The following ACADSB variants were observed in gnomAD, a reference collection of about 807,000 sequenced individuals.
ACADSB encodes acyl-CoA dehydrogenase short/branched chain, also known as short/branched chain specific acyl-CoA dehydrogenase, mitochondrial.
Under a neutral mutation model 54.1 loss-of-function variants are expected in ACADSB, and 40 were observed. The observed-to-expected ratio is 0.74, with a 90% confidence interval of 0.57 to 0.96. The LOEUF is 0.96. Among genes scored for constraint, ACADSB ranks in the 40% least tolerant of loss-of-function variants. The pLI is 0.00. For synonymous variants in ACADSB, 182 were observed against 182.8 expected (o/e 1.00, Z 0.03); for missense variants, 530 against 510.4 (o/e 1.04, Z -0.37).
At chr10:123,012,685 T>C (rs1850052545) in intron 1 of ACADSB, among the ~76,000 whole-genome samples, 1 of 152,162 alleles carries the variant, frequency 6.6e-6, no homozygotes, top group African/African-American at 2.4e-5. Flanking sequence ...CCCGGTGGGC[T>C]TGTGGCCTCG....
intron 1 of ACADSB, among the ~76,000 whole-genome samples, chr10:123,011,409 C>G (rs550543598): frequency 6.6e-6 from 1 of 152,314 alleles, no homozygotes; most frequent in East Asian, 1.9e-4. Context: ...AAGGTCTCTC[C>G]TAGTCCTGCA....
rs1589747908 is a variant in ACADSB at position 123,056,054 on chromosome 10, A to G, written c.*2289A>G. ...TATCTAGGAAGTTCCAAACTTTCCC[A>G]CATTTTCCTGTCTTCTTCTGAGCCC... On this transcript the variant is annotated 3_prime_UTR_variant, in exon 11 of 11. Transcript: ENST00000358776. 6.5e-6 allele frequency: 1 copy of G among 152,768 alleles called. No homozygotes were observed. 9.5% of individuals were successfully genotyped at this position (152,768 alleles called of 1,614,324 possible). A position where few individuals can be genotyped will look rare whatever the true frequency, so the allele number is the denominator to read the frequency against.
chr10:123,022,166 G>A (rs1850192610), intron 1 of ACADSB, among the ~76,000 whole-genome samples: 1 of 152,132 alleles, frequency 6.6e-6, no homozygotes, highest in African/African-American at 2.4e-5. Flanking sequence ...CCCAACTCTA[G>A]CCATGCCAAG....
At position 123,054,692 on chromosome 10, in the gene ACADSB, A is replaced by G. The variant is rs1209166045; in HGVS notation, c.*927A>G. 6.6e-6 allele frequency: 1 copy of G among 152,244 alleles called. No homozygotes were observed. Among genetic ancestry groups the G allele is most frequent in the Non-Finnish European group, 1.5e-5 (1 of 68,036 alleles). The allele number at this position is 152,244 out of a possible 1,614,324, so 9.4% of individuals were successfully genotyped here. A position where few individuals can be genotyped will look rare whatever the true frequency, so the allele number is the denominator to read the frequency against. ...ATTTGTTACTATAATTAACCTGTAT[A>G]AAAGATACATTTTATGGTGGTTTCA... is the stretch of plus-strand genomic sequence containing the variant. On this transcript the variant is annotated 3_prime_UTR_variant, in exon 11 of 11. Transcript: ENST00000358776.
At chr10:123,044,167 T>C (rs141006195) in intron 6 of ACADSB, among the ~76,000 whole-genome samples, 2 of 152,348 alleles carry the variant, frequency 1.3e-5, no homozygotes, top group Non-Finnish European at 2.9e-5. Flanking sequence ...ACTCATCCAT[T>C]CAATACCTGT....
chr10:123,047,289 T>A lies in ACADSB; in HGVS notation c.981T>A (p.Phe327Leu). The A allele has an allele frequency of 6.4e-7, 1 of 1,574,242 alleles. No homozygotes were observed. Among genetic ancestry groups the A allele is most frequent in the Non-Finnish European group, 8.7e-7 (1 of 1,143,650 alleles). The change falls in exon 8 of 11, where the codon TTT becomes TTA. Residue 327 changes from phenylalanine to leucine, a missense_variant. Phe to Leu is a conservative substitution (Grantham distance 22). Coordinates refer to ENST00000358776, the MANE Select transcript of ACADSB (RefSeq NM_001609.4). ...KERIQFGKRL[F>L]DFQGLQHQVA... ...GGATACAATTTGGCAAAAGACTATT[T>A]GATTTTCAGGTATGTAATTATTAGG...
chr10:123,053,787 T>A lies in ACADSB; in HGVS notation c.*22T>A, dbSNP rs757966679. The A allele has an allele frequency of 3.7e-6, 6 of 1,600,538 alleles. No individual in the cohort carries two copies. In the East Asian group the frequency reaches 6.7e-5, roughly 18 times the overall value. ...CTGACGTCTATAGGAGTGGGACCCC[T>A]CCCTGGTGTCACTGCTGTAAAATTT... On this transcript the variant is annotated 3_prime_UTR_variant, in exon 11 of 11. Coordinates refer to ENST00000358776, the MANE Select transcript of ACADSB (RefSeq NM_001609.4).
rs1331183073 is a variant in ACADSB at position 123,054,712 on chromosome 10, G to A, written c.*947G>A. On this transcript the variant is annotated 3_prime_UTR_variant, in exon 11 of 11. Transcript: ENST00000358776. ...TGTATAAAAGATACATTTTATGGTG[G>A]TTTCAGTAGGTCATTTTAAAAACCA... 1 of 152,152 alleles carries A rather than the reference G, an allele frequency of 6.6e-6. No individual in the cohort carries two copies. Among genetic ancestry groups the A allele is most frequent in the African/African-American group, 2.4e-5 (1 of 41,428 alleles). The allele number at this position is 152,152 out of a possible 1,614,324, so 9.4% of individuals were successfully genotyped here.
intron 1 of ACADSB, among the ~76,000 whole-genome samples, chr10:123,016,861 C>A (rs753250595): frequency 6.6e-6 from 1 of 152,044 alleles, no homozygotes; most frequent in Non-Finnish European, 1.5e-5. Context: ...ATAAAAAAAA[C>A]AAACCTGTGA....
intron 1 of ACADSB, among the ~76,000 whole-genome samples, chr10:123,011,874 C>A (rs1346064599): frequency 1.3e-5 from 2 of 148,736 alleles, no homozygotes; most frequent in Non-Finnish European, 3.0e-5. Context: ...TTTTTTTAGA[C>A]AAGTTTTCAC....
intron 5 of ACADSB, among the ~76,000 whole-genome samples, chr10:123,042,643 T>C (rs1020804157): frequency 6.6e-6 from 1 of 151,872 alleles, no homozygotes; most frequent in African/African-American, 2.4e-5. Context: ...AGACGTTTTT[T>C]CACCATGTTG....
At position 123,034,813 on chromosome 10, in the gene ACADSB, C is replaced by T. The variant is rs57213927; in HGVS notation, c.202+298C>T. 0.019 allele frequency among the ~76,000 whole-genome samples: 2,836 copies of T among 152,330 alleles called. 90 individuals carry two copies. The highest frequency in any genetic ancestry group is 0.064 in the African/African-American group (2,676 of 41,580). On this transcript the variant is annotated intron_variant, in intron 2 of 10. Coordinates refer to ENST00000358776, the MANE Select transcript of ACADSB (RefSeq NM_001609.4). ...GGCTATGTAGTTAAAAGTGAAGACTCTCCCACCCATGTTCTCTAGTTCCCC... is the reference window on the plus strand; with the variant it reads ...GGCTATGTAGTTAAAAGTGAAGACTTTCCCACCCATGTTCTCTAGTTCCCC...
chr10:123,051,797 C>T (rs1850637054), intron 9 of ACADSB, among the ~76,000 whole-genome samples: 3 of 152,142 alleles, frequency 2.0e-5, no homozygotes, highest in South Asian at 2.1e-4. Context: ...ACCTCTCCAG[C>T]CCATAAATTA....
At chr10:123,036,094 CT>C (rs201289981) in intron 2 of ACADSB, among the ~76,000 whole-genome samples, 10 of 149,296 alleles carry the variant, frequency 6.7e-5, no homozygotes, top group African/African-American at 7.3e-5. Flanking sequence ...TCTTTTCTTT[CT>C]TTTTTTTTTG....
At position 123,051,690 on chromosome 10, in the gene ACADSB, A is replaced by G. The variant is rs560847370; in HGVS notation, c.1128+504A>G. Among the ~76,000 whole-genome samples the G allele has an allele frequency of 2.0e-5, 3 of 152,362 alleles. No homozygotes were observed. The South Asian group carries it at 6.2e-4, about 32-fold the overall frequency. On this transcript the variant is annotated intron_variant, in intron 9 of 10. Transcript: ENST00000358776. ...TACATTTGCTTTCTAGAGCTAACACATTAGACTGAGGCTAGAGAATTTAGC... is the reference window on the plus strand; with the variant it reads ...TACATTTGCTTTCTAGAGCTAACACGTTAGACTGAGGCTAGAGAATTTAGC...
chr10:123,009,131 C>A, intron 1 of ACADSB, 60 bp downstream of exon 1: 1 of 1,517,930 alleles, frequency 6.6e-7, no homozygotes, highest in Admixed American at 2.0e-5. Context: ...CCTGGAATCG[C>A]AGCTGGCAGA....
intron 6 of ACADSB, among the ~76,000 whole-genome samples, chr10:123,043,392 G>C (rs1177842054): frequency 6.6e-6 from 1 of 152,250 alleles, no homozygotes; most frequent in Admixed American, 6.5e-5. Context: ...TGGGAAGCAA[G>C]TGCCAAGAAT....
At chr10:123,034,846 G>T (rs1329619639) in intron 2 of ACADSB, among the ~76,000 whole-genome samples, 1 of 152,172 alleles carries the variant, frequency 6.6e-6, no homozygotes, top group Non-Finnish European at 1.5e-5. Context: ...CCCAGTTCTT[G>T]CCACCTTGTT....
intron 9 of ACADSB, 32 bp from the exon 10 acceptor site, chr10:123,053,029 T>C: frequency 6.5e-7 from 1 of 1,539,722 alleles, no homozygotes; most frequent in Non-Finnish European, 9.0e-7. Context: ...GTTATGTGGT[T>C]TCAGTGTGTG....
Sources: allele counts gnomAD v4.1 joint callset (sites outside exome capture counted in the v4.1 genomes callset), GRCh38; gene constraint gnomAD v4.1.1; transcripts MANE v1.5; gene names NCBI Gene and HGNC (gene_info 2026-07-23, HGNC 2026-07-21).